Variants in SOX5 observed in about 807,000 individuals in gnomAD.
SOX5 encodes the protein transcription factor SOX-5.
SOX5 carries 9 observed loss-of-function variants against 92.0 expected under a neutral mutation model. The ratio of observed to expected loss-of-function variants is 0.10; its 90% confidence interval spans 0.06 to 0.17. The LOEUF (loss-of-function observed/expected upper bound fraction) is 0.17, where lower values mean the gene tolerates loss of function less well. SOX5 is among the 10% of genes least tolerant of loss of function. SOX5 has a pLI of 1.00. For synonymous variants in SOX5, 344 were observed against 336.3 expected (o/e 1.02, Z -0.25); for missense variants, 642 against 944.5 (o/e 0.68, Z 4.20).
intron 4 of SOX5, among the ~76,000 whole-genome samples, chr12:24,082,404 G>GAAAAAAAAAAAA (rs58736325): frequency 4.1e-5 from 3 of 73,386 alleles, no homozygotes; most frequent in African/African-American, 5.5e-5. Flanking sequence ...CTTTCGAAAA[G>GAAAAAAAAAAAA]AAAAAAAAAA....
intron 6 of SOX5, among the ~76,000 whole-genome samples, chr12:23,732,951 G>C (rs1206182739): frequency 6.6e-6 from 1 of 152,126 alleles, no homozygotes; most frequent in Non-Finnish European, 1.5e-5. Context: ...AGTGCTTCAT[G>C]CTCTGAAGCA....
intron 7 of SOX5, among the ~76,000 whole-genome samples, chr12:23,660,786 G>A (rs2082935757): frequency 6.6e-6 from 1 of 151,872 alleles, no homozygotes; most frequent in South Asian, 2.1e-4. Context: ...CACCATTGAT[G>A]GTTCAATAAT....
intron 11 of SOX5, among the ~76,000 whole-genome samples, chr12:23,556,866 T>G (rs979226253): frequency 4.6e-5 from 7 of 152,204 alleles, no homozygotes; most frequent in Admixed American, 2.6e-4. Context: ...CTACATACAC[T>G]GTGTCAGTTT....
intron 2 of SOX5, among the ~76,000 whole-genome samples, chr12:23,863,346 T>C (rs190522945): frequency 7.9e-4 from 121 of 152,324 alleles, no homozygotes; most frequent in Non-Finnish European, 1.5e-3. Context: ...CACTATATGA[T>C]ATTTTAGAAC....
At position 24,142,518 on chromosome 12, in the gene SOX5, T is replaced by C. The variant is rs140787747; in HGVS notation, c.-2+70825A>G. Among the ~76,000 whole-genome samples the C allele has an allele frequency of 2.6e-4, 40 of 152,084 alleles. 1 individual carries two copies. In the East Asian group the frequency reaches 7.5e-3, roughly 29 times the overall value. On this transcript the variant is annotated intron_variant, in intron 4 of 4. Transcript: ENST00000446891. ...TTGTGGGGTGGACATTTTATAAAGA[T>C]ACTTTACTTTTTACGTAAAGCACAA...
At chr12:24,209,794 G>A (rs905813630) in intron 4 of SOX5, among the ~76,000 whole-genome samples, 6 of 151,622 alleles carry the variant, frequency 4.0e-5, no homozygotes, top group South Asian at 4.2e-4. Context: ...CGAGGCGGGC[G>A]GATCACGAGG....
At chr12:24,210,716 G>C (rs1306233969) in intron 4 of SOX5, among the ~76,000 whole-genome samples, 1 of 152,060 alleles carries the variant, frequency 6.6e-6, no homozygotes, top group Non-Finnish European at 1.5e-5. Context: ...TCAAACTCAA[G>C]AGAATTCTGT....
intron 3 of SOX5, among the ~76,000 whole-genome samples, chr12:23,827,681 A>C (rs2096254131): frequency 6.6e-6 from 1 of 152,252 alleles, no homozygotes; most frequent in African/African-American, 2.4e-5. Flanking sequence ...AGTTCTCTAC[A>C]TATGAGCTGC....
chr12:24,311,576 CA>C (rs1949181942), intron 2 of SOX5, among the ~76,000 whole-genome samples: 1 of 152,014 alleles, frequency 6.6e-6, no homozygotes. Context: ...TGTCTCTGGG[CA>C]AAATAAATAC....
intron 7 of SOX5, among the ~76,000 whole-genome samples, chr12:23,651,708 G>T (rs183839821): frequency 6.6e-6 from 1 of 151,974 alleles, no homozygotes; most frequent in African/African-American, 2.4e-5. Flanking sequence ...ATTGAGTTAG[G>T]CCTTGAATAT....
At chr12:24,416,358 C>G (rs1965024952) in intron 1 of SOX5, among the ~76,000 whole-genome samples, 1 of 152,214 alleles carries the variant, frequency 6.6e-6, no homozygotes, top group African/African-American at 2.4e-5. Flanking sequence ...TATATCCAGC[C>G]ACTTCCTCAG....
intron 1 of SOX5, among the ~76,000 whole-genome samples, chr12:24,450,509 T>TATTTATTG (rs1942138236): frequency 6.7e-6 from 1 of 150,010 alleles, no homozygotes; most frequent in Non-Finnish European, 1.5e-5. Flanking sequence ...TTTATTTATT[T>TATTTATTG]ATTGAGACAG....
At chr12:24,478,076 A>G (rs960223300) in intron 1 of SOX5, among the ~76,000 whole-genome samples, 3 of 152,214 alleles carry the variant, frequency 2.0e-5, no homozygotes, top group African/African-American at 7.2e-5. Flanking sequence ...TCTAACACCT[A>G]AGGAATTCCG....
intron 1 of SOX5, among the ~76,000 whole-genome samples, chr12:24,484,128 A>G (rs1946282037): frequency 6.6e-6 from 1 of 152,196 alleles, no homozygotes; most frequent in African/African-American, 2.4e-5. Context: ...TTGGCTATTT[A>G]TCATGTCTCT....
chr12:24,098,003 C>T (rs553041174), intron 4 of SOX5, among the ~76,000 whole-genome samples: 11 of 152,228 alleles, frequency 7.2e-5, no homozygotes, highest in East Asian at 3.9e-4. Flanking sequence ...TGATCTTCCA[C>T]GGTTTCCTAC....
At chr12:24,520,907 C>T (rs1248101978) in intron 1 of SOX5, among the ~76,000 whole-genome samples, 1 of 152,094 alleles carries the variant, frequency 6.6e-6, no homozygotes, top group African/African-American at 2.4e-5. Flanking sequence ...AGACAAAGAA[C>T]ATCATTATAT....
rs1041723482 is a variant in SOX5 at position 23,604,528 on chromosome 12, T to C, written c.1023A>G (p.Leu341=). The change falls in exon 9 of 15, where the codon TTA becomes TTG. Residue 341 remains leucine (L), a synonymous_variant. Transcript: ENST00000451604. Reference sequence around the variant, plus strand: ...GCATTGCAGCTAGCTGGGCAGCATATAACTGCTACAGAAGAAAAAGAGAGA... The same window carrying C: ...GCATTGCAGCTAGCTGGGCAGCATACAACTGCTACAGAAGAAAAAGAGAGA... The part of the protein sequence containing the change: ...PGLGPLQLQQ[L]YAAQLAAMQV... 7 of 1,613,328 alleles carry C rather than the reference T, an allele frequency of 4.3e-6. No homozygotes were observed. The highest frequency in any genetic ancestry group is 4.0e-5 in the African/African-American group (3 of 74,862).
intron 4 of SOX5, among the ~76,000 whole-genome samples, chr12:24,001,356 T>C (rs1237107296): frequency 1.3e-5 from 2 of 152,058 alleles, no homozygotes; most frequent in African/African-American, 2.4e-5. Context: ...CCTCCCAAAG[T>C]GCTGGGATTA....
chr12:24,075,508 T>TA (rs1341877984), intron 4 of SOX5, among the ~76,000 whole-genome samples: 3 of 152,138 alleles, frequency 2.0e-5, no homozygotes, highest in African/African-American at 7.2e-5. Context: ...GTTCTAATGA[T>TA]AGTCACTGTA....
Sources: allele counts gnomAD v4.1 joint callset (sites outside exome capture counted in the v4.1 genomes callset), GRCh38; gene constraint gnomAD v4.1.1; transcripts MANE v1.5; gene names NCBI Gene and HGNC (gene_info 2026-07-23, HGNC 2026-07-21).